Variants in CHD7 observed in about 807,000 individuals in gnomAD.
CHD7 encodes chromodomain helicase DNA binding protein 7, also known as ATP-dependent chromatin remodeler CHD7.
Under a neutral mutation model 307.3 loss-of-function variants are expected in CHD7, and 24 were observed. That is an observed-to-expected ratio of 0.08 (90% confidence interval 0.06 to 0.11). The LOEUF is 0.11. Among genes scored for constraint, CHD7 ranks in the 10% least tolerant of loss-of-function variants. CHD7 has a pLI of 1.00. For synonymous variants in CHD7, 1,363 were observed against 1,349.9 expected (o/e 1.01, Z -0.21); for missense variants, 3,106 against 3,727.1 (o/e 0.83, Z 4.34).
intron 7 of CHD7, among the ~76,000 whole-genome samples, chr8:60,810,927 T>C (rs1211204913): frequency 6.6e-6 from 1 of 152,212 alleles, no homozygotes; most frequent in Non-Finnish European, 1.5e-5. Context: ...GCTCTGCCTC[T>C]TGTCAGATCA....
chr8:60,861,242 G>T, intron 35 of CHD7, 117 bp downstream of exon 35: 1 of 735,340 alleles, frequency 1.4e-6, no homozygotes, highest in Non-Finnish European at 2.2e-6. Context: ...AATGTTTCCT[G>T]GTCTCAAACA....
intron 2 of CHD7, among the ~76,000 whole-genome samples, 169 bp from the exon 3 acceptor site, chr8:60,780,831 C>T (rs1811178833): frequency 6.6e-6 from 1 of 152,088 alleles, no homozygotes; most frequent in East Asian, 1.9e-4. Context: ...CTTAAACATA[C>T]ATTTTTTTTG....
intron 16 of CHD7, 90 bp from the exon 17 acceptor site, chr8:60,836,727 T>A: frequency 1.1e-6 from 1 of 907,070 alleles, no homozygotes; most frequent in Non-Finnish European, 1.7e-6. Context: ...TTAATATATA[T>A]TCCATATTGT....
intron 16 of CHD7, 40 bp downstream of exon 16, chr8:60,836,323 A>T: frequency 6.4e-7 from 1 of 1,569,284 alleles, no homozygotes; most frequent in East Asian, 2.3e-5. Flanking sequence ...AGGAAATCTA[A>T]AATTACCTTC....
At position 60,781,403 on chromosome 8, in the gene CHD7, CA is replaced by C; in HGVS notation, c.2073del (p.Lys691AsnfsTer20). 6.5e-7 allele frequency: 1 copy of C among 1,529,972 alleles called. No individual in the cohort carries two copies. Among genetic ancestry groups the C allele is most frequent in the Admixed American group, 2.5e-5 (1 of 40,386 alleles). 94.8% of individuals were successfully genotyped at this position (1,529,972 alleles called of 1,614,324 possible). A position where few individuals can be genotyped will look rare whatever the true frequency, so the allele number is the denominator to read the frequency against. ...GAAAAGAAAGCAAAAACTGCCACGC[CA>C]AAACCCAAATCCAGCAAAAAGTCAA... The part of the protein sequence containing the change: ...PKEKKAKTAT[P>X]KPKSSKKSSN... On this transcript the variant is annotated frameshift_variant, in exon 3 of 38. Transcript: ENST00000423902. LOFTEE classifies it high-confidence loss of function.
intron 6 of CHD7, among the ~76,000 whole-genome samples, chr8:60,806,779 G>C (rs1000505600): frequency 4.6e-5 from 7 of 152,184 alleles, no homozygotes; most frequent in South Asian, 2.1e-4. Context: ...GAGACGGGGG[G>C]ATTGCTTGAG....
At chr8:60,836,749 A>G in intron 16 of CHD7, 68 bp from the exon 17 acceptor site, 1 of 1,162,370 alleles carries the variant, frequency 8.6e-7, no homozygotes. Context: ...ATAATTAAAA[A>G]TTAAAAAAAG....
At chr8:60,765,362 A>C (rs1219786558) in intron 2 of CHD7, among the ~76,000 whole-genome samples, 1 of 152,236 alleles carries the variant, frequency 6.6e-6, no homozygotes, top group Non-Finnish European at 1.5e-5. Flanking sequence ...GTATATATAA[A>C]TGACAAGAGT....
At chr8:60,698,523 A>G (rs1806601654) in intron 1 of CHD7, among the ~76,000 whole-genome samples, 1 of 152,220 alleles carries the variant, frequency 6.6e-6, no homozygotes, top group Non-Finnish European at 1.5e-5. Flanking sequence ...GCCTGGGTTC[A>G]AAGCTTAGTT....
At chr8:60,705,736 T>G (rs946798697) in intron 1 of CHD7, among the ~76,000 whole-genome samples, 4 of 152,140 alleles carry the variant, frequency 2.6e-5, no homozygotes, top group African/African-American at 9.7e-5. Context: ...GATTTAAAAA[T>G]AAAGTATAAA....
intron 2 of CHD7, among the ~76,000 whole-genome samples, chr8:60,748,890 G>C (rs754542365): frequency 1.3e-5 from 2 of 151,392 alleles, no homozygotes; most frequent in African/African-American, 4.9e-5. Context: ...AAGCTACTAA[G>C]ATTGAGGTGA....
At chr8:60,860,040 T>C (rs1342174476) in intron 34 of CHD7, among the ~76,000 whole-genome samples, 2 of 152,096 alleles carry the variant, frequency 1.3e-5, no homozygotes, top group African/African-American at 4.8e-5. Flanking sequence ...TGGGCCATGG[T>C]AGAGCTGTGG....
At chr8:60,790,857 CAT>C (rs905312569) in intron 3 of CHD7, among the ~76,000 whole-genome samples, 2 of 152,130 alleles carry the variant, frequency 1.3e-5, no homozygotes, top group Non-Finnish European at 2.9e-5. Context: ...CATCATGTGA[CAT>C]GTGGGTGGAG....
chr8:60,681,248 A>G (rs951311096), intron 1 of CHD7, among the ~76,000 whole-genome samples: 1 of 152,168 alleles, frequency 6.6e-6, no homozygotes, highest in Non-Finnish European at 1.5e-5. Flanking sequence ...GGTAATTCCT[A>G]TTTCAGAAAT....
intron 1 of CHD7, among the ~76,000 whole-genome samples, chr8:60,728,356 T>C (rs564702523): frequency 6.6e-5 from 10 of 152,012 alleles, no homozygotes; most frequent in African/African-American, 1.7e-4. Flanking sequence ...CCCTCACTTA[T>C]GTGAATAAAG....
intron 21 of CHD7, 41 bp downstream of exon 21, chr8:60,842,093 C>G (rs1181853453): frequency 6.6e-7 from 1 of 1,519,444 alleles, no homozygotes; most frequent in South Asian, 1.2e-5. Flanking sequence ...TTTATTGTAA[C>G]AGTAGTTAGA....
chr8:60,747,388 T>C (rs1414327596), intron 2 of CHD7, among the ~76,000 whole-genome samples: 1 of 152,104 alleles, frequency 6.6e-6, no homozygotes, highest in Non-Finnish European at 1.5e-5. Context: ...AAAATATTGA[T>C]GAAAGTTTAA....
intron 28 of CHD7, among the ~76,000 whole-genome samples, chr8:60,851,580 TA>T (rs765933424): frequency 6.6e-6 from 1 of 152,260 alleles, no homozygotes; most frequent in Non-Finnish European, 1.5e-5. Context: ...TTTAAGCATC[TA>T]AACTATAGCT....
rs559195796 is a variant in CHD7, at chr8:60,765,196, G to T, written c.1666-15804G>T. Among the ~76,000 whole-genome samples, 6 of 73,506 alleles carry T rather than the reference G, an allele frequency of 8.2e-5. No homozygotes were observed. The East Asian group carries it at 2.6e-3, about 32-fold the overall frequency. 48.2% of individuals were successfully genotyped at this position (73,506 alleles called of 152,430 possible). On this transcript the variant is annotated intron_variant, in intron 2 of 37. Coordinates refer to ENST00000423902, the MANE Select transcript of CHD7 (RefSeq NM_017780.4). ...GTCAGTCCCTGCATTAGATGTTGGG[G>T]ATATGCATACACACACACACACACA...
Sources: allele counts gnomAD v4.1 joint callset (sites outside exome capture counted in the v4.1 genomes callset), GRCh38; gene constraint gnomAD v4.1.1; transcripts MANE v1.5; gene names NCBI Gene and HGNC (gene_info 2026-07-23, HGNC 2026-07-21).